GRIP1: variants seen among roughly 807,000 people sequenced by gnomAD.
GRIP1 encodes the protein glutamate receptor interacting protein 1.
In GRIP1, 45 loss-of-function variants were observed where a neutral mutation model predicts 129.9. That is an observed-to-expected ratio of 0.35 (90% confidence interval 0.27 to 0.44). The LOEUF is 0.44. Ranked by LOEUF, GRIP1 falls within the 20% of genes least tolerant of loss-of-function variation. GRIP1 has a pLI of 1.00. For synonymous variants in GRIP1, 530 were observed against 520.8 expected (o/e 1.02, Z -0.24); for missense variants, 1,196 against 1,396.8 (o/e 0.86, Z 2.29).
At chr12:66,470,671 G>T (rs2059414072) in intron 7 of GRIP1, among the ~76,000 whole-genome samples, 1 of 152,198 alleles carries the variant, frequency 6.6e-6, no homozygotes. Context: ...GAACCATGGG[G>T]TAGAGTATGC....
chr12:67,037,355 A>ATAATAATAATAATAG (rs1683513125), intron 1 of GRIP1: 1 of 148,552 alleles, frequency 6.7e-6, no homozygotes, highest in African/African-American at 2.4e-5. Flanking sequence ...AATAATAATA[A>ATAATAATAATAATAG]TAATACTTAA....
At chr12:66,424,544 A>G (rs373852913) in intron 14 of GRIP1, among the ~76,000 whole-genome samples, 2 of 152,166 alleles carry the variant, frequency 1.3e-5, no homozygotes, top group Admixed American at 6.5e-5. Flanking sequence ...GACCACTAAC[A>G]TACTCATATA....
chr12:66,889,874 C>A (rs2040628136), intron 1 of GRIP1, among the ~76,000 whole-genome samples: 1 of 151,964 alleles, frequency 6.6e-6, no homozygotes, highest in Non-Finnish European at 1.5e-5. Flanking sequence ...ACATATATGG[C>A]CTTTAGATTA....
chr12:66,777,939 T>C (rs1210840389), intron 1 of GRIP1, among the ~76,000 whole-genome samples: 1 of 152,190 alleles, frequency 6.6e-6, no homozygotes, highest in Admixed American at 6.5e-5. Context: ...TAATCCATTA[T>C]AGTAGCCACT....
At chr12:66,982,405 A>G (rs1263613088) in intron 1 of GRIP1, among the ~76,000 whole-genome samples, 1 of 152,138 alleles carries the variant, frequency 6.6e-6, no homozygotes, top group Non-Finnish European at 1.5e-5. Flanking sequence ...CATTAGCTGG[A>G]CCTAGTGACA....
At chr12:66,716,562 T>G (rs907386585) in intron 1 of GRIP1, among the ~76,000 whole-genome samples, 2 of 151,910 alleles carry the variant, frequency 1.3e-5, no homozygotes, top group African/African-American at 4.8e-5. Context: ...CTTTAAGTTT[T>G]AGGGTACATG....
chr12:66,830,177 T>C (rs1026432109), intron 1 of GRIP1, among the ~76,000 whole-genome samples: 88 of 152,132 alleles, frequency 5.8e-4, no homozygotes, highest in African/African-American at 2.1e-3. Context: ...ACTTATCAGG[T>C]GGAGACTATT....
intron 1 of GRIP1, among the ~76,000 whole-genome samples, chr12:66,824,951 T>A (rs1236029515): frequency 6.6e-6 from 1 of 152,176 alleles, no homozygotes; most frequent in South Asian, 2.1e-4. Context: ...CCAAGAGCTT[T>A]TTTTTCCCCA....
intron 1 of GRIP1, among the ~76,000 whole-genome samples, chr12:66,625,039 GCTTGT>G (rs1043211598): frequency 6.6e-6 from 1 of 150,730 alleles, no homozygotes; most frequent in African/African-American, 2.4e-5. Context: ...TAGGTGGTAA[GCTTGT>G]AATGTCATTC....
At chr12:66,436,614 A>G (rs2058312590) in intron 13 of GRIP1, among the ~76,000 whole-genome samples, 2 of 152,240 alleles carry the variant, frequency 1.3e-5, no homozygotes, top group African/African-American at 4.8e-5. Context: ...TGATGGGGTT[A>G]TAAGCACCTT....
intron 1 of GRIP1, among the ~76,000 whole-genome samples, chr12:66,620,449 C>A (rs539149688): frequency 1.3e-5 from 2 of 152,254 alleles, no homozygotes; most frequent in African/African-American, 4.8e-5. Flanking sequence ...CTTTGATTCA[C>A]ATTCCTGAGT....
At chr12:66,551,571 C>CTTTTTT (rs10719369) in intron 2 of GRIP1, among the ~76,000 whole-genome samples, 1 of 114,458 alleles carries the variant, frequency 8.7e-6, no homozygotes, top group Non-Finnish European at 1.8e-5. Flanking sequence ...GGCTAGAATC[C>CTTTTTT]TTTTTTTTTT....
At chr12:66,434,920 C>T (rs1289695211) in intron 13 of GRIP1, among the ~76,000 whole-genome samples, 1 of 152,210 alleles carries the variant, frequency 6.6e-6, no homozygotes, top group Non-Finnish European at 1.5e-5. Flanking sequence ...GGTTCTAGCC[C>T]TTCCTGGCTG....
At chr12:66,487,778 G>A (rs2059994700) in intron 7 of GRIP1, among the ~76,000 whole-genome samples, 1 of 152,156 alleles carries the variant, frequency 6.6e-6, no homozygotes, top group Non-Finnish European at 1.5e-5. Context: ...AAAATAAAGG[G>A]ATGGAGGAAA....
At chr12:66,672,572 T>TA (rs1416568545) in intron 1 of GRIP1, among the ~76,000 whole-genome samples, 1 of 152,028 alleles carries the variant, frequency 6.6e-6, no homozygotes. Context: ...GTATATTTAA[T>TA]AAAGCAGCAG....
intron 1 of GRIP1, among the ~76,000 whole-genome samples, chr12:66,823,328 G>C (rs756599430): frequency 1.3e-5 from 2 of 152,080 alleles, no homozygotes; most frequent in African/African-American, 2.4e-5. Context: ...TGTTGGTAAT[G>C]GTTCTCAAGT....
chr12:66,911,685 T>C (rs1050249782), intron 1 of GRIP1, among the ~76,000 whole-genome samples: 4 of 152,154 alleles, frequency 2.6e-5, no homozygotes, highest in African/African-American at 4.8e-5. Flanking sequence ...CACAGATCAT[T>C]AGGGCTCATT....
chr12:66,868,638 C>T (rs2040244675), intron 1 of GRIP1, among the ~76,000 whole-genome samples: 1 of 152,084 alleles, frequency 6.6e-6, no homozygotes, highest in African/African-American at 2.4e-5. Flanking sequence ...AGGCAATCAT[C>T]TGCCCCTCAA....
At chr12:66,988,788 TACTC>T (rs1313242913) in intron 1 of GRIP1, among the ~76,000 whole-genome samples, 10 of 152,180 alleles carry the variant, frequency 6.6e-5, no homozygotes, top group African/African-American at 2.4e-4. Context: ...TTTATCCAGT[TACTC>T]AAGAGGGAGT....
Sources: allele counts gnomAD v4.1 joint callset (sites outside exome capture counted in the v4.1 genomes callset), GRCh38; gene constraint gnomAD v4.1.1; transcripts MANE v1.5; gene names NCBI Gene and HGNC (gene_info 2026-07-23, HGNC 2026-07-21).